KALRN: variants seen among roughly 807,000 people sequenced by gnomAD.
The protein encoded by KALRN is kalirin RhoGEF kinase, also known as kalirin.
Under a neutral mutation model 353.7 loss-of-function variants are expected in KALRN, and 70 were observed. The observed-to-expected ratio is 0.20, with a 90% CI of 0.16 to 0.24. The LOEUF is 0.24. KALRN is among the 10% of genes least tolerant of loss of function. The probability of loss-of-function intolerance (pLI) is 1.00; values close to 1 mark genes in which losing one functional copy is unlikely to be tolerated. For synonymous variants in KALRN, 1,391 were observed against 1,434.8 expected (o/e 0.97, Z 0.69); for missense variants, 2,791 against 3,756.7 (o/e 0.74, Z 6.72).
chr3:124,446,384 G>A (rs2093839992), intron 20 of KALRN, 108 bp downstream of exon 20: 1 of 736,276 alleles, frequency 1.4e-6, no homozygotes, highest in Non-Finnish European at 2.3e-6. Context: ...GGGGATGGGA[G>A]TGGGGAATAA....
intron 1 of KALRN, among the ~76,000 whole-genome samples, chr3:124,156,860 A>G (rs1224594765): frequency 6.6e-6 from 1 of 152,192 alleles, no homozygotes; most frequent in Non-Finnish European, 1.5e-5. Flanking sequence ...CAGTCACTAC[A>G]AGCCTTTGCC....
At chr3:124,649,320 C>T (rs1028661881) in intron 37 of KALRN, among the ~76,000 whole-genome samples, 20 of 152,190 alleles carry the variant, frequency 1.3e-4, no homozygotes, top group African/African-American at 4.6e-4. Context: ...ACTCCAAGTG[C>T]AGCTCACTGA....
Position 124,492,548 on chromosome 3 carries a change from G to A in KALRN, c.4690-192G>A, listed in dbSNP as rs970446250. Among the ~76,000 whole-genome samples, 8 of 152,148 alleles carry A rather than the reference G, an allele frequency of 5.3e-5. No homozygotes were observed. The East Asian group carries it at 5.8e-4, about 11-fold the overall frequency. On this transcript the variant is annotated intron_variant, in intron 31 of 59. Coordinates refer to ENST00000682506, the MANE Select transcript of KALRN (RefSeq NM_001388419.1). ...TAATTCTGCATTGAATCTTGAGGTC[G>A]GAGCACTGTTCTGGGAGTTGGAGAA... is the stretch of plus-strand genomic sequence containing the variant.
intron 15 of KALRN, among the ~76,000 whole-genome samples, chr3:124,428,875 G>A (rs2093148921): frequency 6.6e-6 from 1 of 152,122 alleles, no homozygotes; most frequent in African/African-American, 2.4e-5. Context: ...GAGACCCAAA[G>A]GGAGTCAAAT....
At chr3:124,237,399 A>G (rs564065143) in intron 3 of KALRN, among the ~76,000 whole-genome samples, 8 of 145,220 alleles carry the variant, frequency 5.5e-5, no homozygotes, top group African/African-American at 2.0e-4. Context: ...GTCTCACTCT[A>G]TCACCCAGGC....
intron 5 of KALRN, among the ~76,000 whole-genome samples, chr3:124,272,879 A>T (rs2074314063): frequency 1.3e-5 from 2 of 152,150 alleles, no homozygotes; most frequent in South Asian, 4.1e-4. Context: ...GATGGTTTGG[A>T]ATAAGGGCTG....
At chr3:124,124,943 C>A (rs554172337) in intron 1 of KALRN, among the ~76,000 whole-genome samples, 191 of 152,234 alleles carry the variant, frequency 1.3e-3, no homozygotes, top group African/African-American at 4.5e-3. Context: ...TGGAACCAAA[C>A]CCTCAATACC....
chr3:124,521,418 A>G (rs1445209973), intron 33 of KALRN, among the ~76,000 whole-genome samples: 1 of 152,194 alleles, frequency 6.6e-6, no homozygotes, highest in Non-Finnish European at 1.5e-5. Context: ...CAGAAATGCT[A>G]GTTGCCCAAG....
Position 124,347,268 on chromosome 3 carries a change from G to A in KALRN, c.1770+3G>A. 6.3e-7 allele frequency: 1 copy of A among 1,597,412 alleles called. No individual in the cohort carries two copies. The highest frequency in any genetic ancestry group is 1.4e-5 in the African/African-American group (1 of 72,742). ...ATGACTTTGAAGAGGTGGCTCAGGT[G>A]AGAAGCTGTGTGTGTGTGTGTGTGT... On this transcript the variant is annotated splice_donor_region_variant and intron_variant, in intron 10 of 59. Coordinates refer to ENST00000682506, the MANE Select transcript of KALRN (RefSeq NM_001388419.1).
At chr3:124,540,846 C>T (rs578236151) in intron 33 of KALRN, among the ~76,000 whole-genome samples, 3 of 152,300 alleles carry the variant, frequency 2.0e-5, no homozygotes, top group African/African-American at 4.8e-5. Context: ...TAGGGGTTCA[C>T]GATCATGTTC....
intron 1 of KALRN, among the ~76,000 whole-genome samples, chr3:124,060,462 C>G (rs982954184): frequency 2.6e-5 from 4 of 152,262 alleles, no homozygotes; most frequent in African/African-American, 9.6e-5. Context: ...TGTTTTGCTG[C>G]CTTAGCACAA....
At chr3:124,222,458 A>T (rs2148427129) in intron 1 of KALRN, among the ~76,000 whole-genome samples, 1 of 152,160 alleles carries the variant, frequency 6.6e-6, no homozygotes, top group Non-Finnish European at 1.5e-5. Flanking sequence ...GTTAGATGAG[A>T]TTTTAGGGGT....
chr3:124,439,200 T>TTACACACA (rs1395318707), intron 18 of KALRN, among the ~76,000 whole-genome samples, 163 bp downstream of exon 18: 1,589 of 98,930 alleles, frequency 0.016, 47 homozygotes, highest in African/African-American at 0.053. Context: ...TCTCTCTCTC[T>TTACACACA]CACACACACA....
chr3:124,277,955 TGAG>T, intron 5 of KALRN, among the ~76,000 whole-genome samples: 1 of 151,756 alleles, frequency 6.6e-6, no homozygotes, highest in Middle Eastern at 3.4e-3. Context: ...CTGCAGCAGT[TGAG>T]GTGAGCTGTG....
At chr3:124,299,548 A>C (rs906772143) in intron 6 of KALRN, among the ~76,000 whole-genome samples, 1 of 152,174 alleles carries the variant, frequency 6.6e-6, no homozygotes, top group Non-Finnish European at 1.5e-5. Context: ...GCAGATGCTG[A>C]ACACTCAGAG....
intron 34 of KALRN, among the ~76,000 whole-genome samples, chr3:124,598,763 G>A (rs1462348099): frequency 6.6e-6 from 1 of 152,074 alleles, no homozygotes; most frequent in African/African-American, 2.4e-5. Context: ...TGCAACCTCC[G>A]CATCCCAGGC....
At chr3:124,426,657 C>T (rs936594897) in intron 15 of KALRN, among the ~76,000 whole-genome samples, 5 of 152,198 alleles carry the variant, frequency 3.3e-5, no homozygotes, top group African/African-American at 9.7e-5. Flanking sequence ...ATAGCCCAAA[C>T]ACCCCTAGAG....
intron 6 of KALRN, among the ~76,000 whole-genome samples, chr3:124,314,477 T>C (rs995486687): frequency 6.6e-6 from 1 of 152,074 alleles, no homozygotes; most frequent in African/African-American, 2.4e-5. Flanking sequence ...TGTGCACATA[T>C]ACCCTGGAAC....
rs541763299 is a variant in KALRN, at chr3:124,077,236, G to A, written c.73+43423G>A. ...ACATGGTTGTGTGATGTCTCATGTC[G>A]CATTATTATCCCTCTGCTTTTGTGA... On this transcript the variant is annotated intron_variant, in intron 1 of 59. Transcript: ENST00000682506. Among the ~76,000 whole-genome samples, 16 of 152,290 alleles carry A rather than the reference G, an allele frequency of 1.1e-4. No individual in the cohort carries two copies. In the South Asian group the frequency reaches 2.1e-3, roughly 20 times the overall value.
Sources: allele counts gnomAD v4.1 joint callset (sites outside exome capture counted in the v4.1 genomes callset), GRCh38; gene constraint gnomAD v4.1.1; transcripts MANE v1.5; gene names NCBI Gene and HGNC (gene_info 2026-07-23, HGNC 2026-07-21).